The following PCDHA1 variants were observed in gnomAD, a reference collection of about 807,000 sequenced individuals.
The protein encoded by PCDHA1 is protocadherin alpha 1, also known as protocadherin alpha-1.
PCDHA1 carries 42 observed loss-of-function variants against 61.3 expected under a neutral mutation model. The ratio of observed to expected loss-of-function variants is 0.69; its 90% confidence interval spans 0.54 to 0.89. The LOEUF (loss-of-function observed/expected upper bound fraction) is 0.89, where lower values mean the gene tolerates loss of function less well. Ranked by LOEUF, PCDHA1 falls within the 40% of genes least tolerant of loss-of-function variation. PCDHA1 has a pLI of 0.00. For synonymous variants in PCDHA1, 610 were observed against 553.8 expected (o/e 1.10, Z -1.43); for missense variants, 1,256 against 1,235.3 (o/e 1.02, Z -0.25).
chr5:140,841,620 C>T lies in PCDHA1; in HGVS notation c.2394+52936C>T, dbSNP rs1777377321. 2.5e-6 allele frequency: 4 copies of T among 1,613,982 alleles called. No individual in the cohort carries two copies. The highest frequency in any genetic ancestry group is 3.4e-6 in the Non-Finnish European group (4 of 1,180,020). ...CGCGAGGAGCTGTGCGGGCGGAGCG[C>T]GGAGTGCAGCATCCACCTGGAGGTG... On this transcript the variant is annotated intron_variant, in intron 1 of 3. Transcript: ENST00000504120.
Position 140,952,580 on chromosome 5 carries a change from A to G in PCDHA1, c.2395-26369A>G, listed in dbSNP as rs538999222. ...ATCAGCACTTCGGTCCCAATCATTCAAGTAGTCTCTAGGAAGTTCTAAGCT... is the reference window on the plus strand; with the variant it reads ...ATCAGCACTTCGGTCCCAATCATTCGAGTAGTCTCTAGGAAGTTCTAAGCT... On this transcript the variant is annotated intron_variant, in intron 1 of 3. Transcript: ENST00000504120. Among the ~76,000 whole-genome samples the G allele has an allele frequency of 2.0e-4, 30 of 152,248 alleles. No homozygotes were observed. In the South Asian group the frequency reaches 2.3e-3, roughly 12 times the overall value.
intron 1 of PCDHA1, chr5:140,808,864 C>G: frequency 6.2e-7 from 1 of 1,613,138 alleles, no homozygotes; most frequent in Non-Finnish European, 8.5e-7. Context: ...TGGACGAAAA[C>G]GACAACGCGC....
intron 1 of PCDHA1, chr5:140,929,003 G>A: frequency 6.2e-7 from 1 of 1,614,106 alleles, no homozygotes; most frequent in South Asian, 1.1e-5. Flanking sequence ...TTCTTCGTGT[G>A]TACCAAGTTG....
chr5:141,000,395 C>CTCTCTATA (rs1213762225), intron 3 of PCDHA1, among the ~76,000 whole-genome samples: 1 of 53,986 alleles, frequency 1.9e-5, no homozygotes, highest in Non-Finnish European at 3.2e-5. Flanking sequence ...CTCTCTCTCT[C>CTCTCTATA]TATATATATA....
intron 1 of PCDHA1, chr5:140,796,831 C>T (rs150299243): frequency 6.2e-7 from 1 of 1,614,132 alleles, no homozygotes; most frequent in Non-Finnish European, 8.5e-7. Context: ...CATCCCGTTC[C>T]GCGTGGGGCT....
chr5:140,829,915 G>C (rs782789312), intron 1 of PCDHA1: 5 of 1,613,890 alleles, frequency 3.1e-6, no homozygotes, highest in Admixed American at 1.7e-5. Context: ...CGTGGCTTTC[G>C]TATGAGCTGC....
Position 140,802,366 on chromosome 5 carries a change from C to G in PCDHA1, c.2394+13682C>G, listed in dbSNP as rs1467501869. ...AATGGACAGGTCACCTGCTCGCTGA[C>G]GCCCCACGTCCCCTTCAAGCTGGTG... On this transcript the variant is annotated intron_variant, in intron 1 of 3. Coordinates refer to ENST00000504120, the MANE Select transcript of PCDHA1 (RefSeq NM_018900.4). 12 of 1,614,126 alleles carry G rather than the reference C, an allele frequency of 7.4e-6. No individual in the cohort carries two copies. The highest frequency in any genetic ancestry group is 3.3e-5 in the Admixed American group (2 of 60,012).
chr5:140,884,101 G>T lies in PCDHA1; in HGVS notation c.2395-94848G>T, dbSNP rs782222820. 6 of 1,613,486 alleles carry T rather than the reference G, an allele frequency of 3.7e-6. No individual in the cohort carries two copies. The highest frequency in any genetic ancestry group is 3.3e-4 in the Middle Eastern group (2 of 6,042). On this transcript the variant is annotated intron_variant, in intron 1 of 3. Coordinates refer to ENST00000504120, the MANE Select transcript of PCDHA1 (RefSeq NM_018900.4). ...ACAATGCGTGGCTTTCGTATGAATT[G>T]CAGCTGGCGGCGGTCGGCGCGCGCA...
intron 1 of PCDHA1, among the ~76,000 whole-genome samples, chr5:140,951,121 C>A (rs1223231581): frequency 6.9e-6 from 1 of 145,374 alleles, no homozygotes; most frequent in African/African-American, 2.6e-5. Context: ...TCATTCCTTA[C>A]CAATAAGTTT....
intron 1 of PCDHA1, among the ~76,000 whole-genome samples, chr5:140,925,799 C>G (rs1200619545): frequency 6.6e-6 from 1 of 151,996 alleles, no homozygotes; most frequent in Non-Finnish European, 1.5e-5. Flanking sequence ...CAGTACTTTC[C>G]CCTCCACTTC....
chr5:140,968,195 T>C, intron 1 of PCDHA1: 1 of 1,614,076 alleles, frequency 6.2e-7, no homozygotes, highest in East Asian at 2.2e-5. Context: ...CTATTCCATC[T>C]ACATACAGGA....
intron 2 of PCDHA1, among the ~76,000 whole-genome samples, chr5:140,981,011 T>C (rs1363062809): frequency 6.6e-6 from 1 of 152,132 alleles, no homozygotes; most frequent in African/African-American, 2.4e-5. Flanking sequence ...CCAGGAACAC[T>C]TGAAGGCTGT....
Position 140,796,414 on chromosome 5 carries a change from G to C in PCDHA1, c.2394+7730G>C. 4 of 1,614,006 alleles carry C rather than the reference G, an allele frequency of 2.5e-6. No homozygotes were observed. In the South Asian group the frequency reaches 4.4e-5, roughly 18 times the overall value. ...CACGGTGTCAGCGTGGGATGCGGAC[G>C]CGCAGGAGAACGCGCTGGTGTCCTA... On this transcript the variant is annotated intron_variant, in intron 1 of 3. Coordinates refer to ENST00000504120, the MANE Select transcript of PCDHA1 (RefSeq NM_018900.4).
chr5:140,836,495 C>A (rs1318424263), intron 1 of PCDHA1: 4 of 1,613,766 alleles, frequency 2.5e-6, no homozygotes, highest in South Asian at 2.2e-5. Context: ...TCATCGCCAT[C>A]TGCGCGGTGT....
chr5:140,804,012 T>C (rs1763319982), intron 1 of PCDHA1: 1 of 212,586 alleles, frequency 4.7e-6, no homozygotes. Flanking sequence ...TGTTACTTGC[T>C]CATTTTATGA....
chr5:140,828,685 A>T, intron 1 of PCDHA1: 2 of 1,614,252 alleles, frequency 1.2e-6, no homozygotes, highest in Non-Finnish European at 1.7e-6. Context: ...TATTAAAGAA[A>T]TCCTTGGACA....
chr5:140,912,878 T>C (rs2076104558), intron 1 of PCDHA1, among the ~76,000 whole-genome samples: 1 of 152,236 alleles, frequency 6.6e-6, no homozygotes, highest in Non-Finnish European at 1.5e-5. Flanking sequence ...GTTTTTGGTC[T>C]TCATTCTGTT....
chr5:140,969,166 C>T lies in PCDHA1; in HGVS notation c.2395-9783C>T, dbSNP rs1554231524. ...GCTACAAGGCCTGTCTGACAGCAGG[C>T]TCAGGGAGTGACACTTTCATGTTTT... On this transcript the variant is annotated intron_variant, in intron 1 of 3. Transcript: ENST00000504120. 2.5e-6 allele frequency: 4 copies of T among 1,614,092 alleles called. No homozygotes were observed. In the South Asian group the frequency reaches 4.4e-5, roughly 18 times the overall value.
At chr5:140,812,838 TTAACA>T (rs1299220004) in intron 1 of PCDHA1, 1 of 152,250 alleles carries the variant, frequency 6.6e-6, no homozygotes, top group Non-Finnish European at 1.5e-5. Flanking sequence ...TTTGTTTATC[TTAACA>T]TATTTTCTAA....
Sources: allele counts gnomAD v4.1 joint callset (sites outside exome capture counted in the v4.1 genomes callset), GRCh38; gene constraint gnomAD v4.1.1; transcripts MANE v1.5; gene names NCBI Gene and HGNC (gene_info 2026-07-23, HGNC 2026-07-21).